Variants in UBE3A observed in about 807,000 individuals in gnomAD.
UBE3A encodes ubiquitin-protein ligase E3A.
Under a neutral mutation model 83.4 loss-of-function variants are expected in UBE3A, and 6 were observed. The ratio of observed to expected loss-of-function variants is 0.07; its 90% CI spans 0.04 to 0.14. UBE3A has a LOEUF of 0.14. Ranked by LOEUF, UBE3A falls within the 10% of genes least tolerant of loss-of-function variation. UBE3A has a pLI of 1.00. For synonymous variants in UBE3A, 337 were observed against 355.4 expected, an observed-to-expected ratio of 0.95 and a Z score of 0.58; for missense variants, 456 against 1,036.1, an observed-to-expected ratio of 0.44 and a Z score of 7.69.
chr15:25,412,663 G>A (rs541210327), intron 1 of UBE3A, among the ~76,000 whole-genome samples: 1 of 151,500 alleles, frequency 6.6e-6, no homozygotes, highest in Admixed American at 6.6e-5. Context: ...TTCCTCAATG[G>A]AACAAAAATA....
chr15:25,342,485 G>A (rs1382944634), intron 11 of UBE3A, among the ~76,000 whole-genome samples: 2 of 152,070 alleles, frequency 1.3e-5, no homozygotes, highest in Non-Finnish European at 2.9e-5. Flanking sequence ...TGTTATGTGT[G>A]TTACATTAAC....
intron 5 of UBE3A, 131 bp downstream of exon 5, chr15:25,375,334 A>G: frequency 1.9e-6 from 2 of 1,065,400 alleles, no homozygotes; most frequent in African/African-American, 1.6e-5. Flanking sequence ...CCGTTACCAC[A>G]ATAAAAAATT....
intron 4 of UBE3A, among the ~76,000 whole-genome samples, chr15:25,405,217 G>A (rs1279884621): frequency 2.0e-5 from 3 of 151,944 alleles, no homozygotes; most frequent in East Asian, 3.9e-4. Context: ...TGCTACCAGG[G>A]AAGCAAAAAG....
At chr15:25,359,559 A>G (rs1291939790) in intron 7 of UBE3A, among the ~76,000 whole-genome samples, 1 of 151,912 alleles carries the variant, frequency 6.6e-6, no homozygotes, top group Non-Finnish European at 1.5e-5. Context: ...ACATTATTCT[A>G]TGCACACTCC....
At position 25,334,275 on chromosome 15, in the gene UBE3A, GTGA is replaced by G. The variant is rs754686400; in HGVS notation, c.*4859_*4861del. On this transcript the variant is annotated 3_prime_UTR_variant, in exon 13 of 13. Transcript: ENST00000648336. ...AAAATTAATTTTATTTCTAACACCA[GTGA>G]TGAATACAAAAATAAAAATTAGAAA... is the stretch of plus-strand genomic sequence containing the variant. The G allele has an allele frequency of 7.2e-5, 11 of 151,980 alleles. No individual in the cohort carries two copies. Among genetic ancestry groups the G allele is most frequent in the African/African-American group, 1.7e-4 (7 of 41,384 alleles). 9.4% of individuals were successfully genotyped at this position (151,980 alleles called of 1,614,324 possible).
chr15:25,414,556 C>T (rs1458459068), intron 1 of UBE3A, among the ~76,000 whole-genome samples: 1 of 152,152 alleles, frequency 6.6e-6, no homozygotes, highest in Admixed American at 6.5e-5. Context: ...GAAAACCATT[C>T]TTTATGAGGG....
At chr15:25,432,495 A>G (rs1893759226) in intron 1 of UBE3A, among the ~76,000 whole-genome samples, 1 of 152,240 alleles carries the variant, frequency 6.6e-6, no homozygotes, top group Non-Finnish European at 1.5e-5. Flanking sequence ...TTTGTATGCA[A>G]GAGTGCTTGT....
intron 1 of UBE3A, among the ~76,000 whole-genome samples, chr15:25,432,288 G>A (rs1403867554): frequency 1.3e-5 from 2 of 152,188 alleles, no homozygotes; most frequent in Non-Finnish European, 1.5e-5. Context: ...GAAAGTTTCA[G>A]AATTTATTCT....
intron 1 of UBE3A, among the ~76,000 whole-genome samples, chr15:25,431,898 G>A (rs1457037068): frequency 1.3e-5 from 2 of 152,088 alleles, no homozygotes; most frequent in East Asian, 1.9e-4. Context: ...AACCACAGAG[G>A]CACAATAGAA....
intron 1 of UBE3A, among the ~76,000 whole-genome samples, chr15:25,430,504 C>G (rs1298601922): frequency 1.3e-5 from 2 of 150,768 alleles, no homozygotes; most frequent in African/African-American, 2.4e-5. Flanking sequence ...GTGCACCGCC[C>G]TCGTTCCACC....
intron 4 of UBE3A, among the ~76,000 whole-genome samples, chr15:25,389,235 A>C (rs4012491): frequency 0.13 from 18,064 of 143,754 alleles, 1,427 homozygotes; most frequent in East Asian, 0.44. Flanking sequence ...TTCAATAAAC[A>C]GTGGTAATAA....
chr15:25,379,283 A>C (rs2081760236), intron 4 of UBE3A, among the ~76,000 whole-genome samples: 1 of 152,206 alleles, frequency 6.6e-6, no homozygotes, highest in Non-Finnish European at 1.5e-5. Flanking sequence ...TCACCCTCAC[A>C]AGTGTATGAG....
chr15:25,364,652 T>G (rs1194050013), intron 6 of UBE3A, among the ~76,000 whole-genome samples: 4 of 150,038 alleles, frequency 2.7e-5, no homozygotes, highest in African/African-American at 7.4e-5. Flanking sequence ...TTTGTTTTTT[T>G]TTTTTTTTTG....
chr15:25,396,200 CA>C (rs796649552), intron 4 of UBE3A, among the ~76,000 whole-genome samples: 7 of 147,546 alleles, frequency 4.7e-5, no homozygotes, highest in South Asian at 4.3e-4. Flanking sequence ...GATTCCATCT[CA>C]AAAAAAAAAT....
chr15:25,347,857 C>T (rs1488762074), intron 11 of UBE3A, among the ~76,000 whole-genome samples: 1 of 151,550 alleles, frequency 6.6e-6, no homozygotes, highest in Non-Finnish European at 1.5e-5. Flanking sequence ...AATGGCAGAC[C>T]TCTCCCTAAC....
chr15:25,435,231 TACACACACAC>T (rs56786510), intron 1 of UBE3A, among the ~76,000 whole-genome samples: 25 of 143,636 alleles, frequency 1.7e-4, no homozygotes, highest in African/African-American at 5.2e-4. Flanking sequence ...GATAGGGTTT[TACACACACAC>T]ACACACACAC....
At position 25,359,692 on chromosome 15, in the gene UBE3A, G is replaced by T. The variant is rs2077758931; in HGVS notation, c.1753+691C>A. 1.3e-5 allele frequency among the ~76,000 whole-genome samples: 2 copies of T among 152,056 alleles called. 1 individual carries two copies. Among genetic ancestry groups the T allele is most frequent in the South Asian group, 4.1e-4 (2 of 4,822 alleles). The stretch of plus-strand genomic sequence containing the variant: ...TTACAGTAGAAACTGAACCAGTTCA[G>T]AATTATGAAGTTAAGTAGACTACCC... On this transcript the variant is annotated intron_variant, in intron 7 of 12. Transcript: ENST00000648336.
chr15:25,430,084 TAAG>T (rs1187453650), intron 1 of UBE3A, among the ~76,000 whole-genome samples: 1 of 97,788 alleles, frequency 1.0e-5, no homozygotes, highest in African/African-American at 5.5e-5. Context: ...TACATATATA[TAAG>T]ATTATATATA....
chr15:25,394,791 A>G (rs981753471), intron 4 of UBE3A, among the ~76,000 whole-genome samples: 1 of 152,248 alleles, frequency 6.6e-6, no homozygotes, highest in Non-Finnish European at 1.5e-5. Context: ...GATAATTAAA[A>G]AGGCAGAAAC....
Sources: allele counts gnomAD v4.1 joint callset (sites outside exome capture counted in the v4.1 genomes callset), GRCh38; gene constraint gnomAD v4.1.1; transcripts MANE v1.5; gene names NCBI Gene and HGNC (gene_info 2026-07-23, HGNC 2026-07-21).